Variants in ACOT7 observed in about 807,000 individuals in gnomAD.
The protein encoded by ACOT7 is acyl-CoA thioesterase 7.
A neutral mutation model predicts 40.2 loss-of-function variants in ACOT7; 12 were observed. That is an observed-to-expected ratio of 0.30 (90% CI 0.19 to 0.48). The LOEUF (loss-of-function observed/expected upper bound fraction) is 0.48, where lower values mean the gene tolerates loss of function less well. ACOT7 is among the 20% of genes least tolerant of loss of function. The pLI is 0.99. For missense variants in ACOT7, 395 were observed against 530.8 expected (o/e 0.74, Z 2.51); for synonymous variants, 228 against 219.5 (o/e 1.04, Z -0.34).
In ACOT7 at chr1:6,393,494, C is replaced by T. The variant is rs889537766; in HGVS notation, c.-95G>A. The T allele has an allele frequency of 2.3e-5, 25 of 1,097,118 alleles. No individual in the cohort carries two copies. In the African/African-American group the frequency reaches 3.9e-4, roughly 17 times the overall value. The allele number at this position is 1,097,118 out of a possible 1,614,324, so 68.0% of individuals were successfully genotyped here. A position where few individuals can be genotyped will look rare whatever the true frequency, so the allele number is the denominator to read the frequency against. ...GCGGCCTCCCCGCGCCGACCCCGCC[C>T]CCGCGCCGGCCCCACCCCGAGCCCC... On this transcript the variant is annotated 5_prime_UTR_variant, in exon 1 of 9. Coordinates refer to ENST00000361521, the MANE Select transcript of ACOT7 (RefSeq NM_007274.4).
At chr1:6,336,351 A>AAAAAAAAAAAAAAAAAC (rs1641102414) in intron 3 of ACOT7, among the ~76,000 whole-genome samples, 1 of 151,856 alleles carries the variant, frequency 6.6e-6, no homozygotes, top group Non-Finnish European at 1.5e-5. Flanking sequence ...AAAAAAAAAA[A>AAAAAAAAAAAAAAAAAC]AAAAAAATCT....
At chr1:6,342,268 C>T (rs1449908048) in intron 2 of ACOT7, among the ~76,000 whole-genome samples, 1 of 152,138 alleles carries the variant, frequency 6.6e-6, no homozygotes, top group Non-Finnish European at 1.5e-5. Flanking sequence ...TTCATGAAGA[C>T]ATTGATCTCA....
intron 7 of ACOT7, among the ~76,000 whole-genome samples, chr1:6,291,795 G>A (rs1639671087): frequency 6.6e-6 from 1 of 152,188 alleles, no homozygotes; most frequent in Admixed American, 6.5e-5. Flanking sequence ...CGCTGGAACT[G>A]TGAGGCCAGC....
Position 6,282,063 on chromosome 1 carries a change from C to T in ACOT7, c.830-777G>A, listed in dbSNP as rs1321409529. On this transcript the variant is annotated intron_variant, in intron 7 of 8. Transcript: ENST00000361521. This position sits in a 1 kb window ranked among gnomAD's most constrained non-coding sequence, Gnocchi z 4.5. ...ATACATTGTTCCCATGTCCCTCTCT[C>T]CCCCTCAACCCTAACCAACCTCTCT... 1.7e-5 allele frequency among the ~76,000 whole-genome samples: 2 copies of T among 119,464 alleles called. No homozygotes were observed. The highest frequency in any genetic ancestry group is 8.8e-5 in the African/African-American group (2 of 22,640). 78.4% of individuals were successfully genotyped at this position (119,464 alleles called of 152,430 possible). A position where few individuals can be genotyped will look rare whatever the true frequency, so the allele number is the denominator to read the frequency against.
Position 6,306,402 on chromosome 1 carries a change from A to G in ACOT7, c.713-11422T>C, listed in dbSNP as rs1355046309. On this transcript the variant is annotated intron_variant, in intron 6 of 8. Coordinates refer to ENST00000361521, the MANE Select transcript of ACOT7 (RefSeq NM_007274.4). This position sits in a 1 kb window ranked among gnomAD's most constrained non-coding sequence, Gnocchi z 4.3. Reference sequence around the variant, plus strand: ...AAGTGAGTTCCTGGGACAGGTGCCTATAGGATGCTTGGACTGGAGTGATAT... The same window carrying G: ...AAGTGAGTTCCTGGGACAGGTGCCTGTAGGATGCTTGGACTGGAGTGATAT... 2.0e-6 allele frequency: 2 copies of G among 985,202 alleles called. No individual in the cohort carries two copies. The highest frequency in any genetic ancestry group is 2.4e-6 in the Non-Finnish European group (2 of 829,916). 61.0% of individuals were successfully genotyped at this position (985,202 alleles called of 1,614,324 possible).
At chr1:6,387,768 T>G (rs1408121638) in intron 1 of ACOT7, among the ~76,000 whole-genome samples, 1 of 152,106 alleles carries the variant, frequency 6.6e-6, no homozygotes, top group Non-Finnish European at 1.5e-5. Flanking sequence ...GGTTGGACAG[T>G]GGGTAGACAA....
intron 1 of ACOT7, among the ~76,000 whole-genome samples, chr1:6,382,296 C>T (rs892185756): frequency 2.6e-5 from 4 of 151,640 alleles, no homozygotes; most frequent in African/African-American, 7.2e-5. Flanking sequence ...CCCAGCTACG[C>T]GGGGGGCTGA....
chr1:6,366,208 G>A (rs1381832547), intron 1 of ACOT7, among the ~76,000 whole-genome samples: 2 of 152,060 alleles, frequency 1.3e-5, no homozygotes, highest in Non-Finnish European at 2.9e-5. Flanking sequence ...GGCGACTGCT[G>A]AAGGCTGGGA....
In ACOT7 at chr1:6,289,225, G is replaced by C. The variant is rs147407058; in HGVS notation, c.829+5639C>G. Among the ~76,000 whole-genome samples, 524 of 152,040 alleles carry C rather than the reference G, an allele frequency of 3.4e-3. 2 individuals carry two copies. The highest frequency in any genetic ancestry group is 0.012 in the African/African-American group (494 of 41,454). On this transcript the variant is annotated intron_variant, in intron 7 of 8. Coordinates refer to ENST00000361521, the MANE Select transcript of ACOT7 (RefSeq NM_007274.4). The surrounding 1 kb of genome is among the most constrained non-coding windows in gnomAD (Gnocchi z 4.6). Reference sequence around the variant, plus strand: ...AGCGATTCTCCTACCTCAGCCCCCCGAGTAGCTGGGATTACAGGCGCCTGC... The same window carrying C: ...AGCGATTCTCCTACCTCAGCCCCCCCAGTAGCTGGGATTACAGGCGCCTGC...
At chr1:6,296,723 A>G (rs1185040807) in intron 6 of ACOT7, among the ~76,000 whole-genome samples, 2 of 152,018 alleles carry the variant, frequency 1.3e-5, no homozygotes, top group Admixed American at 6.6e-5. Flanking sequence ...GCACCTGGCC[A>G]TAACTTTTTA....
chr1:6,353,731 G>A (rs1293381148), intron 1 of ACOT7, among the ~76,000 whole-genome samples: 1 of 152,246 alleles, frequency 6.6e-6, no homozygotes, highest in Non-Finnish European at 1.5e-5. Context: ...GCCAGCTCGG[G>A]CAACGGCACA....
intron 1 of ACOT7, among the ~76,000 whole-genome samples, chr1:6,356,462 GC>G (rs1641747066): frequency 6.6e-6 from 1 of 151,968 alleles, no homozygotes; most frequent in Non-Finnish European, 1.5e-5. Context: ...AGCACCCTCA[GC>G]CCAGCTCAGC....
At chr1:6,385,836 C>A (rs535484766) in intron 1 of ACOT7, 2 of 1,415,406 alleles carry the variant, frequency 1.4e-6, no homozygotes. Context: ...CAGCCCCCGG[C>A]AAGCCGCCTC....
chr1:6,369,201 G>A (rs144816127), intron 1 of ACOT7, among the ~76,000 whole-genome samples: 3,380 of 151,818 alleles, frequency 0.022, 117 homozygotes, highest in African/African-American at 0.078. Context: ...GGCTGGTCTC[G>A]AACACCTGAC....
At chr1:6,267,394 G>A (rs1274447658) in intron 8 of ACOT7, among the ~76,000 whole-genome samples, 1 of 152,242 alleles carries the variant, frequency 6.6e-6, no homozygotes, top group Non-Finnish European at 1.5e-5. Flanking sequence ...CTGGGGGGCT[G>A]GTGGGAATGG....
At chr1:6,354,333 C>T (rs1221856495) in intron 1 of ACOT7, among the ~76,000 whole-genome samples, 1 of 152,072 alleles carries the variant, frequency 6.6e-6, no homozygotes, top group African/African-American at 2.4e-5. Flanking sequence ...GAGCCAGGAG[C>T]AGAGGTCCGA....
At chr1:6,292,787 T>C (rs1330159785) in intron 7 of ACOT7, among the ~76,000 whole-genome samples, 1 of 151,814 alleles carries the variant, frequency 6.6e-6, no homozygotes, top group Non-Finnish European at 1.5e-5. Flanking sequence ...CTTCAAGCGA[T>C]TCTCATGCCT....
chr1:6,390,578 A>G (rs1239604829), intron 1 of ACOT7, among the ~76,000 whole-genome samples: 1 of 151,894 alleles, frequency 6.6e-6, no homozygotes, highest in East Asian at 1.9e-4. Flanking sequence ...TCTCCAAAAA[A>G]TAAAGAAACA....
At chr1:6,391,980 G>A (rs527327334) in intron 1 of ACOT7, among the ~76,000 whole-genome samples, 66 of 150,882 alleles carry the variant, frequency 4.4e-4, no homozygotes, top group African/African-American at 1.2e-3. Context: ...CTCCAGAGTC[G>A]ATGGGACCAG....
Sources: allele counts gnomAD v4.1 joint callset (sites outside exome capture counted in the v4.1 genomes callset), GRCh38; gene constraint gnomAD v4.1.1; non-coding constraint Gnocchi (gnomAD v3.1); transcripts MANE v1.5; gene names NCBI Gene and HGNC (gene_info 2026-07-23, HGNC 2026-07-21).